The following SNTG1 variants were observed in gnomAD, a reference collection of about 807,000 sequenced individuals.
SNTG1 encodes gamma-1-syntrophin.
SNTG1 carries 39 observed loss-of-function variants against 74.7 expected under a neutral mutation model. The ratio of observed to expected loss-of-function variants is 0.52; its 90% CI spans 0.40 to 0.68. SNTG1 has a LOEUF of 0.68. Among genes scored for constraint, SNTG1 ranks in the 30% least tolerant of loss-of-function variants. The probability of loss-of-function intolerance (pLI) is 0.00; values close to 1 mark genes in which losing one functional copy is unlikely to be tolerated. For missense variants in SNTG1, 685 were observed against 609.5 expected, an observed-to-expected ratio of 1.12 and a Z score of -1.30; for synonymous variants, 254 against 217.1, an observed-to-expected ratio of 1.17 and a Z score of -1.49.
At chr8:49,972,609 C>G (rs1339346131) in intron 1 of SNTG1, among the ~76,000 whole-genome samples, 4 of 151,710 alleles carry the variant, frequency 2.6e-5, no homozygotes, top group Non-Finnish European at 4.4e-5. Flanking sequence ...ATTTTTGCAA[C>G]CTACTCATCT....
chr8:50,643,932 G>A (rs1453298914), intron 13 of SNTG1: 4 of 152,200 alleles, frequency 2.6e-5, no homozygotes, highest in African/African-American at 7.2e-5. Flanking sequence ...ATGGCTTTAA[G>A]CACTAGGAAT....
At chr8:50,446,419 T>C (rs1469556429) in intron 5 of SNTG1, among the ~76,000 whole-genome samples, 1 of 149,250 alleles carries the variant, frequency 6.7e-6, no homozygotes, top group Non-Finnish European at 1.5e-5. Flanking sequence ...CTCGTGCCTG[T>C]AATCCCAGCA....
chr8:50,295,199 A>G (rs1012331748), intron 2 of SNTG1, among the ~76,000 whole-genome samples: 9 of 152,332 alleles, frequency 5.9e-5, no homozygotes, highest in South Asian at 2.1e-4. Context: ...TACGTTTTAA[A>G]CAAGAAATAA....
chr8:50,616,898 A>T (rs1457768053), intron 13 of SNTG1, among the ~76,000 whole-genome samples: 1 of 151,980 alleles, frequency 6.6e-6, no homozygotes, highest in Non-Finnish European at 1.5e-5. Flanking sequence ...CCCCAGCTGT[A>T]GTGATCTACT....
At chr8:49,943,898 G>T (rs1053846462) in intron 1 of SNTG1, among the ~76,000 whole-genome samples, 2 of 152,062 alleles carry the variant, frequency 1.3e-5, no homozygotes, top group African/African-American at 4.8e-5. Flanking sequence ...CCATTAATTT[G>T]AGTAATGCAT....
At chr8:50,250,794 A>G (rs1352553444) in intron 2 of SNTG1, among the ~76,000 whole-genome samples, 1 of 152,152 alleles carries the variant, frequency 6.6e-6, no homozygotes, top group African/African-American at 2.4e-5. Context: ...CTTCGCAGAC[A>G]AGCAAAAACT....
intron 1 of SNTG1, among the ~76,000 whole-genome samples, chr8:49,999,713 C>CT (rs1474773673): frequency 1.3e-5 from 2 of 152,240 alleles, no homozygotes; most frequent in East Asian, 3.9e-4. Flanking sequence ...ACTGCCAGGG[C>CT]TTTTTGCCCG....
intron 4 of SNTG1, among the ~76,000 whole-genome samples, chr8:50,404,598 A>G (rs1381670638): frequency 6.6e-6 from 1 of 152,068 alleles, no homozygotes; most frequent in East Asian, 1.9e-4. Flanking sequence ...GAGTCCAAAA[A>G]TAGACCCACT....
intron 9 of SNTG1, among the ~76,000 whole-genome samples, chr8:50,515,999 G>A (rs2094130691): frequency 6.6e-6 from 1 of 152,114 alleles, no homozygotes; most frequent in Admixed American, 6.5e-5. Flanking sequence ...CCTCCTGACT[G>A]GGAGATGCCT....
At chr8:50,361,946 C>G (rs1587315054) in intron 2 of SNTG1, among the ~76,000 whole-genome samples, 1 of 152,196 alleles carries the variant, frequency 6.6e-6, no homozygotes, top group East Asian at 1.9e-4. Context: ...AAATGGCACA[C>G]CTATATAGAG....
intron 2 of SNTG1, among the ~76,000 whole-genome samples, chr8:50,253,540 T>G (rs1387162125): frequency 2.6e-5 from 4 of 152,158 alleles, no homozygotes; most frequent in Non-Finnish European, 2.9e-5. Flanking sequence ...CCATGTTAAT[T>G]GTAGCACTAT....
chr8:50,008,402 T>C (rs1191241526), intron 1 of SNTG1, among the ~76,000 whole-genome samples: 2 of 152,188 alleles, frequency 1.3e-5, no homozygotes, highest in East Asian at 3.9e-4. Flanking sequence ...ATTATTGTTG[T>C]TCTATTATTA....
intron 9 of SNTG1, among the ~76,000 whole-genome samples, chr8:50,510,277 G>A (rs187061019): frequency 1.3e-5 from 2 of 152,294 alleles, no homozygotes; most frequent in East Asian, 3.9e-4. Context: ...ACTTGATCAT[G>A]TTGGATAAGC....
intron 12 of SNTG1, among the ~76,000 whole-genome samples, chr8:50,573,568 T>C (rs1431302216): frequency 2.0e-5 from 3 of 151,900 alleles, no homozygotes; most frequent in Non-Finnish European, 4.4e-5. Context: ...ATGTTGTCCG[T>C]AATATCTAAG....
intron 12 of SNTG1, among the ~76,000 whole-genome samples, chr8:50,572,279 G>A (rs2392701): frequency 7.0e-6 from 1 of 143,464 alleles, no homozygotes; most frequent in Non-Finnish European, 1.5e-5. Flanking sequence ...TATATATAGA[G>A]AGAGAGAGAG....
intron 5 of SNTG1, among the ~76,000 whole-genome samples, chr8:50,446,048 C>CGATGGAG (rs890081054): frequency 3.3e-5 from 5 of 152,098 alleles, no homozygotes; most frequent in Non-Finnish European, 7.4e-5. Context: ...AGGTTCAGGG[C>CGATGGAG]GATGGAGGTC....
chr8:50,580,391 C>T (rs1290906141), intron 12 of SNTG1, among the ~76,000 whole-genome samples: 5 of 152,030 alleles, frequency 3.3e-5, no homozygotes, highest in Non-Finnish European at 4.4e-5. Context: ...TGAGTTAAGG[C>T]TTTGGGGGAC....
chr8:50,173,430 C>T (rs2131664615), intron 2 of SNTG1, among the ~76,000 whole-genome samples: 1 of 152,204 alleles, frequency 6.6e-6, no homozygotes, highest in South Asian at 2.1e-4. Flanking sequence ...TCATCAAACT[C>T]ACTGATATAT....
In SNTG1 at chr8:50,632,963, G is replaced by A. The variant is rs7011175; in HGVS notation, c.850-23946G>A. 5.5e-3 allele frequency among the ~76,000 whole-genome samples: 841 copies of A among 152,256 alleles called. 8 individuals are homozygous for A. The highest frequency in any genetic ancestry group is 0.019 in the African/African-American group (803 of 41,546). ...TAACATATTCACTTGCAAAACCTCAGACCTTTCATGGCCTATAACAATTTG... is the reference window on the plus strand; with the variant it reads ...TAACATATTCACTTGCAAAACCTCAAACCTTTCATGGCCTATAACAATTTG... On this transcript the variant is annotated intron_variant, in intron 13 of 18. Transcript: ENST00000642720.
Sources: gnomAD v4.1 joint callset for allele counts (sites outside exome capture counted in the v4.1 genomes callset) on GRCh38, gnomAD v4.1.1 for gene constraint, MANE v1.5 for transcripts, NCBI Gene and HGNC (gene_info 2026-07-23, HGNC 2026-07-21) for gene names.